SUV39H1: variants seen among roughly 807,000 people sequenced by gnomAD.
SUV39H1 encodes histone-lysine N-methyltransferase SUV39H1.
For synonymous variants in SUV39H1, 141 were observed against 150.5 expected, an observed-to-expected ratio of 0.94 and a Z score of 0.46; for missense variants, 180 against 386.3, an observed-to-expected ratio of 0.47 and a Z score of 4.48.
intron 1 of SUV39H1, 88 bp downstream of exon 1, chrX:48,696,891 C>T (rs1383889215): frequency 2.8e-6 from 2 of 723,745 alleles, no homozygotes; most frequent in Non-Finnish European, 3.6e-6. Context: ...CCCCGGCGTC[C>T]GAGGCCCCGG....
Position 48,706,579 on chromosome X carries a change from A to G in SUV39H1, c.1057A>G (p.Arg353Gly). 1 of 1,210,006 alleles carries G rather than the reference A, an allele frequency of 8.3e-7. No individual in the cohort carries two copies. The highest frequency in any genetic ancestry group is 1.1e-6 in the Non-Finnish European group (1 of 894,623). Residue 353 changes from arginine to glycine, a missense_variant, in exon 5 of 6, where the codon AGA becomes GGA. Transcript: ENST00000376687. Reference sequence around the variant, plus strand: ...GCCCCGCATCGCTTTCTTTGCCACAAGAACCATCCGGGCAGGCGAGGAGCT... The same window carrying G: ...GCCCCGCATCGCTTTCTTTGCCACAGGAACCATCCGGGCAGGCGAGGAGCT... ...RLPRIAFFAT[R>G]TIRAGEELTF...
intron 2 of SUV39H1, 97 bp downstream of exon 2, chrX:48,699,144 G>A: frequency 1.0e-6 from 1 of 974,484 alleles, no homozygotes; most frequent in Non-Finnish European, 1.4e-6. Flanking sequence ...GTTTCCAAAG[G>A]GAATTTTCTC....
Position 48,706,563 on chromosome X carries a change from C to T in SUV39H1, c.1041C>T (p.Ile347=), listed in dbSNP as rs1557010176. 5.0e-6 allele frequency: 6 copies of T among 1,207,172 alleles called. No individual in the cohort carries two copies. Among genetic ancestry groups the T allele is most frequent in the Middle Eastern group, 2.3e-4 (1 of 4,371 alleles). ...IDNLDERLPR[I]AFFATRTIRA... ...ACCTTGACGAGCGGCTGCCCCGCATCGCTTTCTTTGCCACAAGAACCATCC... is the reference window on the plus strand; with the variant it reads ...ACCTTGACGAGCGGCTGCCCCGCATTGCTTTCTTTGCCACAAGAACCATCC... Residue 347 remains isoleucine, a synonymous_variant, in exon 5 of 6, where the codon ATC becomes ATT. Coordinates refer to ENST00000376687, the MANE Select transcript of SUV39H1 (RefSeq NM_003173.4).
upstream of SUV39H1, chrX:48,695,881 A>G: frequency 3.5e-6 from 4 of 1,155,832 alleles, no homozygotes; most frequent in Non-Finnish European, 4.6e-6. Flanking sequence ...GGTGGTGTGG[A>G]GGCTTAATCC....
chrX:48,707,152 G>A (rs782225392), intron 5 of SUV39H1, among the ~76,000 whole-genome samples: 120 of 101,903 alleles, frequency 1.2e-3, no homozygotes, highest in African/African-American at 4.3e-3. Flanking sequence ...GTTCCTTGAC[G>A]GCTCCCTGCC....
At position 48,698,891 on chromosome X, in the gene SUV39H1, G is replaced by A. The variant is rs782711914; in HGVS notation, c.20-11G>A. The stretch of plus-strand genomic sequence containing the variant: ...GCCCAGTAATAGTTCTTTCTGCCCC[G>A]CTTGATCCAGGCTGCAGCGTGTGTT... On this transcript the variant is annotated splice_polypyrimidine_tract_variant and intron_variant, in intron 1 of 5. Transcript: ENST00000376687. The A allele has an allele frequency of 5.8e-6, 7 of 1,204,114 alleles. No homozygotes were observed. The highest frequency in any genetic ancestry group is 5.4e-5 in the South Asian group (3 of 55,884).
chrX:48,701,453 T>C (rs1370754286), intron 3 of SUV39H1, among the ~76,000 whole-genome samples: 4 of 112,060 alleles, frequency 3.6e-5, no homozygotes, highest in Non-Finnish European at 7.5e-5. Context: ...CCTTGAAGCC[T>C]TGGAGTCACT....
intron 5 of SUV39H1, among the ~76,000 whole-genome samples, chrX:48,707,180 A>G (rs371026686): frequency 9.6e-6 from 1 of 104,438 alleles, no homozygotes; most frequent in Non-Finnish European, 2.0e-5. Flanking sequence ...GCATTCTTCA[A>G]CCCCTGGCCT....
rs1411608017 is a variant in SUV39H1 at position 48,701,062 on chromosome X, A to G, written c.828+309A>G. On this transcript the variant is annotated intron_variant, in intron 3 of 5. Coordinates refer to ENST00000376687, the MANE Select transcript of SUV39H1 (RefSeq NM_003173.4). ...AGGCAGCCTTAGCATTCCTTGTAAC[A>G]GGCCATGTGGTCTGGCATAGGGCTG... Among the ~76,000 whole-genome samples, 3 of 111,823 alleles carry G rather than the reference A, an allele frequency of 2.7e-5. No individual in the cohort carries two copies. The Admixed American group carries it at 2.8e-4, about 11-fold the overall frequency.
At chrX:48,706,774 T>C (rs2062492374) in intron 5 of SUV39H1, 147 bp downstream of exon 5, 1 of 714,877 alleles carries the variant, frequency 1.4e-6, no homozygotes, top group Non-Finnish European at 2.0e-6. Flanking sequence ...CAGTCCCCCA[T>C]TCGGACTACT....
In SUV39H1 at chrX:48,700,362, C is replaced by A; in HGVS notation, c.437C>A (p.Thr146Asn). The A allele has an allele frequency of 8.2e-7, 1 of 1,212,274 alleles. No homozygotes were observed. The highest frequency in any genetic ancestry group is 1.1e-6 in the Non-Finnish European group (1 of 895,619). Residue 146 changes from threonine to asparagine, a missense_variant, in exon 3 of 6, where the codon ACT (threonine) becomes AAT (asparagine). Physicochemically the swap from Thr to Asn is moderately conservative, Grantham distance 65. Transcript: ENST00000376687. ...AAGCGCAGCCATCTGGGACGCATCA[C>A]TGTAGAGAATGAGGTGGACCTGGAC... ...NAKRSHLGRITVENEVDLDGP... is the reference protein window; with the variant it reads ...NAKRSHLGRINVENEVDLDGP...
intron 3 of SUV39H1, chrX:48,705,460 T>C (rs1191871869): frequency 1.8e-5 from 2 of 113,783 alleles, no homozygotes; most frequent in Non-Finnish European, 3.8e-5. Context: ...GGGCCGGAGA[T>C]TTGTTGGCGT....
upstream of SUV39H1, chrX:48,695,874 G>C (rs1384194240): frequency 6.9e-6 from 8 of 1,154,731 alleles, no homozygotes; most frequent in East Asian, 2.6e-4. Context: ...ACTGACAGGT[G>C]GTGTGGAGGC....
At chrX:48,699,151 TCTC>T in intron 2 of SUV39H1, 104 bp downstream of exon 2, 1 of 942,585 alleles carries the variant, frequency 1.1e-6, no homozygotes, top group African/African-American at 2.0e-5. Flanking sequence ...AAGGGAATTT[TCTC>T]CTTTGACCCT....
At chrX:48,706,705 C>A in intron 5 of SUV39H1, 78 bp downstream of exon 5, 1 of 1,090,908 alleles carries the variant, frequency 9.2e-7, no homozygotes, top group South Asian at 2.2e-5. Context: ...GCACACCAGT[C>A]ACTCAGAGAA....
rs782026966 is a variant in SUV39H1, at chrX:48,700,396, G to A, written c.471G>A (p.Pro157=). 9.9e-6 allele frequency: 12 copies of A among 1,211,958 alleles called. No homozygotes were observed. The highest frequency in any genetic ancestry group is 2.2e-5 in the Admixed American group (1 of 46,115). The change falls in exon 3 of 6, where the codon CCG becomes CCA. Residue 157 remains proline, a synonymous_variant. Transcript: ENST00000376687. The part of the protein sequence containing the change: ...VENEVDLDGP[P]RAFVYINEYR... ...ATGAGGTGGACCTGGACGGCCCTCC[G>A]CGGGCCTTCGTGTACATCAATGAGT...
In SUV39H1 at chrX:48,700,918, T is replaced by C. The variant is rs782776951; in HGVS notation, c.828+165T>C. 93 of 609,888 alleles carry C rather than the reference T, an allele frequency of 1.5e-4. 1 individual carries two copies. The African/African-American group carries it at 1.9e-3, about 13-fold the overall frequency. 50.3% of individuals were successfully genotyped at this position (609,888 alleles called of 1,213,427 possible). On this transcript the variant is annotated intron_variant, in intron 3 of 5. Coordinates refer to ENST00000376687, the MANE Select transcript of SUV39H1 (RefSeq NM_003173.4). ...AGGGACATTGGGCAGGGGCTAGTAT[T>C]CCAAGCTGGTACACACCAGCATGGC...
upstream of SUV39H1, among the ~76,000 whole-genome samples, chrX:48,696,352 G>A (rs868982887): frequency 5.3e-5 from 6 of 112,409 alleles, no homozygotes; most frequent in Non-Finnish European, 1.1e-4. Context: ...CGCCTGAGCA[G>A]TTGGATACGG....
chrX:48,696,718 C>T (rs1557008634), upstream of SUV39H1: 9 of 1,118,587 alleles, frequency 8.0e-6, no homozygotes, highest in Non-Finnish European at 1.1e-5. Context: ...GCGTTCCCGG[C>T]CACGCCCGCG....
Sources: gnomAD v4.1 joint callset for allele counts (sites outside exome capture counted in the v4.1 genomes callset) on GRCh38, gnomAD v4.1.1 for gene constraint, MANE v1.5 for transcripts, NCBI Gene and HGNC (gene_info 2026-07-23, HGNC 2026-07-21) for gene names.